The following FNDC3B variants were observed in gnomAD, a reference collection of about 807,000 sequenced individuals.
FNDC3B encodes fibronectin type III domain-containing protein 3B.
Under a neutral mutation model 151.5 loss-of-function variants are expected in FNDC3B, and 12 were observed. The ratio of observed to expected loss-of-function variants is 0.08; its 90% CI spans 0.05 to 0.13. The LOEUF (loss-of-function observed/expected upper bound fraction) is 0.13, where lower values mean the gene tolerates loss of function less well. Ranked by LOEUF, FNDC3B falls within the 10% of genes least tolerant of loss-of-function variation. The pLI, the probability that FNDC3B is intolerant of heterozygous loss-of-function variation, is 1.00. For synonymous variants in FNDC3B, 528 were observed against 549.0 expected (o/e 0.96, Z 0.54); for missense variants, 1,214 against 1,505.3 (o/e 0.81, Z 3.20).
rs35470086 is a variant in FNDC3B, at chr3:172,230,338, CA to C, written c.264+3407del. Among the ~76,000 whole-genome samples the C allele has an allele frequency of 5.0e-3, 648 of 130,148 alleles. 2 individuals carry two copies. Among genetic ancestry groups the C allele is most frequent in the Middle Eastern group, 0.02 (5 of 256 alleles). The allele number at this position is 130,148 out of a possible 152,430, so 85.4% of individuals were successfully genotyped here. A position where few individuals can be genotyped will look rare whatever the true frequency, so the allele number is the denominator to read the frequency against. On this transcript the variant is annotated intron_variant, in intron 4 of 25. Coordinates refer to ENST00000415807, the MANE Select transcript of FNDC3B (RefSeq NM_022763.4). ...TGAAACCTTATCTTTACTAAAAATA[CA>C]AAAAAAAAAAAAAAATTAGCCAAGT...
At chr3:172,169,320 C>T (rs1010951384) in intron 3 of FNDC3B, among the ~76,000 whole-genome samples, 2 of 152,236 alleles carry the variant, frequency 1.3e-5, no homozygotes, top group African/African-American at 4.8e-5. Context: ...GTGCTGCAGC[C>T]TTCTGCAGAA....
chr3:172,046,497 T>A (rs1489370870), intron 1 of FNDC3B, among the ~76,000 whole-genome samples: 4 of 151,906 alleles, frequency 2.6e-5, no homozygotes, highest in East Asian at 1.9e-4. Flanking sequence ...TTTTTTTTTT[T>A]ATTTTTATAG....
At chr3:172,348,263 A>G (rs1221976563) in intron 21 of FNDC3B, among the ~76,000 whole-genome samples, 1 of 152,216 alleles carries the variant, frequency 6.6e-6, no homozygotes, top group Non-Finnish European at 1.5e-5. Context: ...TTATAAGTAC[A>G]CCCAATGTCT....
intron 9 of FNDC3B, among the ~76,000 whole-genome samples, chr3:172,300,041 T>C (rs1730828636): frequency 6.6e-6 from 1 of 152,250 alleles, no homozygotes; most frequent in Non-Finnish European, 1.5e-5. Context: ...TATCATATTG[T>C]TTAGATGAGC....
intron 1 of FNDC3B, among the ~76,000 whole-genome samples, chr3:172,078,924 C>T (rs1718151739): frequency 1.3e-5 from 2 of 152,318 alleles, no homozygotes; most frequent in South Asian, 4.1e-4. Context: ...GTGTTTACTA[C>T]ACGATCTGTT....
At chr3:172,188,318 T>G (rs1401173967) in intron 3 of FNDC3B, among the ~76,000 whole-genome samples, 1 of 152,000 alleles carries the variant, frequency 6.6e-6, no homozygotes, top group African/African-American at 2.4e-5. Flanking sequence ...TTATAGGCAT[T>G]ACTGTTTCCC....
chr3:172,070,422 T>G (rs549960024), intron 1 of FNDC3B, among the ~76,000 whole-genome samples: 5 of 152,188 alleles, frequency 3.3e-5, no homozygotes, highest in South Asian at 2.1e-4. Flanking sequence ...TTCTCTGGAA[T>G]TGGTGAAGAA....
At chr3:172,371,165 A>G (rs1734862174) in intron 23 of FNDC3B, among the ~76,000 whole-genome samples, 1 of 152,128 alleles carries the variant, frequency 6.6e-6, no homozygotes, top group African/African-American at 2.4e-5. Flanking sequence ...CTTATATAAA[A>G]TGGCATAGTA....
At chr3:172,246,656 G>A (rs1230279382) in intron 4 of FNDC3B, among the ~76,000 whole-genome samples, 3 of 152,218 alleles carry the variant, frequency 2.0e-5, no homozygotes, top group African/African-American at 7.2e-5. Context: ...GGAGGCTGAG[G>A]CAGGAAGATG....
At chr3:172,312,653 T>C (rs772835440) in intron 11 of FNDC3B, among the ~76,000 whole-genome samples, 1 of 152,172 alleles carries the variant, frequency 6.6e-6, no homozygotes, top group African/African-American at 2.4e-5. Flanking sequence ...CGTGCGTGCA[T>C]GCACACACTC....
intron 7 of FNDC3B, among the ~76,000 whole-genome samples, chr3:172,291,055 A>G (rs1351242968): frequency 3.3e-5 from 5 of 152,224 alleles, no homozygotes; most frequent in African/African-American, 1.2e-4. Context: ...TGATCCAAGT[A>G]CTATCATTTG....
At chr3:172,123,627 C>G (rs982102113) in intron 2 of FNDC3B, among the ~76,000 whole-genome samples, 2 of 152,036 alleles carry the variant, frequency 1.3e-5, no homozygotes, top group Non-Finnish European at 2.9e-5. Flanking sequence ...TTAAATAGGC[C>G]ACAGTAATGC....
At chr3:172,245,879 C>T (rs1727748543) in intron 4 of FNDC3B, among the ~76,000 whole-genome samples, 1 of 152,128 alleles carries the variant, frequency 6.6e-6, no homozygotes, top group Admixed American at 6.5e-5. Context: ...ACTATTAACA[C>T]AGTAGAAACA....
chr3:172,324,411 C>T (rs191873741), intron 11 of FNDC3B, among the ~76,000 whole-genome samples: 1 of 152,230 alleles, frequency 6.6e-6, no homozygotes, highest in African/African-American at 2.4e-5. Flanking sequence ...AGATAAGCAA[C>T]AACTGTGAAT....
intron 18 of FNDC3B, among the ~76,000 whole-genome samples, chr3:172,343,330 T>G (rs1733435898): frequency 6.6e-6 from 1 of 152,190 alleles, no homozygotes; most frequent in Non-Finnish European, 1.5e-5. Flanking sequence ...CTCACCTTCC[T>G]CTTCCTGATG....
chr3:172,179,858 CAAAAAAAAAAA>C (rs60259015), intron 3 of FNDC3B, among the ~76,000 whole-genome samples: 19,097 of 97,840 alleles, frequency 0.2, 1,600 homozygotes, highest in Admixed American at 0.28. Flanking sequence ...GCCCTGTCTC[CAAAAAAAAAAA>C]AAAAAAAAAA....
At chr3:172,155,085 T>C (rs1722419083) in intron 3 of FNDC3B, among the ~76,000 whole-genome samples, 1 of 152,100 alleles carries the variant, frequency 6.6e-6, no homozygotes, top group Admixed American at 6.5e-5. Flanking sequence ...TTTTAAAGTA[T>C]GGTTAAGTTT....
chr3:172,066,707 AAAGTTTTGTGTT>A (rs1717517362), intron 1 of FNDC3B, among the ~76,000 whole-genome samples: 2 of 152,222 alleles, frequency 1.3e-5, no homozygotes, highest in Non-Finnish European at 1.5e-5. Context: ...GAACATTAAC[AAAGTTTTGTGTT>A]TTCGAAGAAA....
intron 21 of FNDC3B, 138 bp downstream of exon 21, chr3:172,347,499 T>C: frequency 1.8e-6 from 1 of 570,072 alleles, no homozygotes; most frequent in South Asian, 4.9e-5. Flanking sequence ...TAAATAAAAA[T>C]ATATTTGGTT....
Sources: gnomAD v4.1 joint callset for allele counts (sites outside exome capture counted in the v4.1 genomes callset) on GRCh38, gnomAD v4.1.1 for gene constraint, MANE v1.5 for transcripts, NCBI Gene and HGNC (gene_info 2026-07-23, HGNC 2026-07-21) for gene names.